ITIH4: variants seen among roughly 807,000 people sequenced by gnomAD.
ITIH4 encodes inter-alpha-trypsin inhibitor heavy chain 4.
A neutral mutation model predicts 111.8 loss-of-function variants in ITIH4; 79 were observed. The ratio of observed to expected loss-of-function variants is 0.71; its 90% CI spans 0.59 to 0.85. The LOEUF is 0.85. Ranked by LOEUF, ITIH4 falls within the 40% of genes least tolerant of loss-of-function variation. ITIH4 has a pLI of 0.00. For missense variants in ITIH4, 1,065 were observed against 1,195.8 expected (o/e 0.89, Z 1.61); for synonymous variants, 472 against 468.3 (o/e 1.01, Z -0.10).
At chr3:52,821,235 A>AGT in intron 11 of ITIH4, 105 bp from the exon 12 acceptor site, 1 of 1,365,574 alleles carries the variant, frequency 7.3e-7, no homozygotes, top group Non-Finnish European at 1.0e-6. Context: ...CAGGTCCCAC[A>AGT]CACTGACTGT....
chr3:52,815,897 G>C (rs1412375535), intron 21 of ITIH4, among the ~76,000 whole-genome samples: 1 of 152,020 alleles, frequency 6.6e-6, no homozygotes, highest in African/African-American at 2.4e-5. Context: ...TGTTGGCCAG[G>C]CTAGTCTCAA....
chr3:52,819,615 C>T, intron 16 of ITIH4, 97 bp from the exon 17 acceptor site: 2 of 1,575,112 alleles, frequency 1.3e-6, no homozygotes, highest in South Asian at 1.1e-5. Flanking sequence ...GCGGAGAGGG[C>T]AGCTATGTCC....
At chr3:52,827,627 C>T (rs551282992) in intron 2 of ITIH4, among the ~76,000 whole-genome samples, 1 of 152,212 alleles carries the variant, frequency 6.6e-6, no homozygotes, top group East Asian at 1.9e-4. Flanking sequence ...CCCAGCCCTG[C>T]GTGCAGCCGT....
intron 5 of ITIH4, 68 bp from the exon 6 acceptor site, chr3:52,826,082 T>C: frequency 6.3e-7 from 1 of 1,590,616 alleles, no homozygotes; most frequent in African/African-American, 1.3e-5. Flanking sequence ...CCTCTACCCC[T>C]GTCTGTATAT....
chr3:52,829,340 G>A, intron 1 of ITIH4, 61 bp from the exon 2 acceptor site: 6 of 1,517,762 alleles, frequency 4.0e-6, no homozygotes, highest in East Asian at 4.6e-5. Context: ...TCGGGGTGAC[G>A]CTCTTCAAGA....
At chr3:52,830,414 G>T in intron 1 of ITIH4, 139 bp downstream of exon 1, 1 of 807,718 alleles carries the variant, frequency 1.2e-6, no homozygotes, top group Non-Finnish European at 2.2e-6. Flanking sequence ...TGCCTGGCGG[G>T]AGGTCTGCAC....
At chr3:52,821,423 A>T (rs1381941222) in intron 11 of ITIH4, among the ~76,000 whole-genome samples, 3 of 152,196 alleles carry the variant, frequency 2.0e-5, no homozygotes, top group African/African-American at 7.2e-5. Context: ...AAGGGATGGG[A>T]ACCCCAGGCC....
intron 23 of ITIH4, 96 bp from the exon 24 acceptor site, chr3:52,813,586 A>C: frequency 9.5e-7 from 1 of 1,056,280 alleles, no homozygotes; most frequent in East Asian, 2.4e-5. Flanking sequence ...CATGGAGGGC[A>C]GGGAGTCCTG....
Position 52,819,710 on chromosome 3 carries a change from C to G in ITIH4, c.1951+44G>C, listed in dbSNP as rs113745155. 1.5e-3 allele frequency: 2,344 copies of G among 1,603,996 alleles called. 7 individuals are homozygous for G. Among genetic ancestry groups the G allele is most frequent in the South Asian group, 2.0e-3 (186 of 90,906 alleles). On this transcript the variant is annotated intron_variant, in intron 16 of 23. Transcript: ENST00000266041. ...ATAATGGACCTCCCTCAAGCTCCCC[C>G]CCAGGGATGTCATGCCTCCCCCTGG...
At chr3:52,816,338 T>C (rs976496669) in intron 21 of ITIH4, among the ~76,000 whole-genome samples, 1 of 152,210 alleles carries the variant, frequency 6.6e-6, no homozygotes, top group Admixed American at 6.5e-5. Context: ...GACTTGTGTC[T>C]CCTTAGCAAA....
rs770281378 is a variant in ITIH4 at position 52,813,396 on chromosome 3, G to A, written c.*25C>T. On this transcript the variant is annotated 3_prime_UTR_variant, in exon 24 of 24. Coordinates refer to ENST00000266041, the MANE Select transcript of ITIH4 (RefSeq NM_002218.5). The stretch of plus-strand genomic sequence containing the variant: ...TGCAGGGGGAAGCCAAGTGTACAGG[G>A]TGGGCACAGCTCCTTCCATCAGAAC... The A allele has an allele frequency of 4.3e-6, 7 of 1,610,698 alleles. No individual in the cohort carries two copies. The highest frequency in any genetic ancestry group is 5.9e-6 in the Non-Finnish European group (7 of 1,176,888).
rs1455168616 is a variant in ITIH4 at position 52,817,027 on chromosome 3, C to G, written c.2328G>C (p.Glu776Asp). Reference sequence around the variant, plus strand: ...CTTCGATCCATGAGAACCCAGCCTTCTCCCTCTCATACTGGCCAGTCACCT... The same window carrying G: ...CTTCGATCCATGAGAACCCAGCCTTGTCCCTCTCATACTGGCCAGTCACCT... ...GVEVTGQYER[E>D]KAGFSWIEVT... Residue 776 changes from glutamate to aspartate, a missense_variant, in exon 21 of 24, where the codon GAG becomes GAC. Physicochemically the swap from Glu to Asp is conservative, Grantham distance 45 (BLOSUM62 2). Coordinates refer to ENST00000266041, the MANE Select transcript of ITIH4 (RefSeq NM_002218.5). 1 of 1,613,848 alleles carries G rather than the reference C, an allele frequency of 6.2e-7. No homozygotes were observed. Among genetic ancestry groups the G allele is most frequent in the African/African-American group, 1.3e-5 (1 of 74,948 alleles).
rs757776654 is a variant in ITIH4 at position 52,818,075 on chromosome 3, T to A, written c.2273A>T (p.Asn758Ile). ...ACCTTGCTCAGGGTCTGAGAGCAGG[T>A]TCACTGGCCCCTGGCGGTGTCTGGG... is the stretch of plus-strand genomic sequence containing the variant. ...VDPRHRQGPV[N>I]LLSDPEQGVE... is the part of the protein sequence containing the mutation. The change falls in exon 20 of 24, where the codon AAC becomes ATC. Residue 758 changes from asparagine (N) to isoleucine (I), a missense_variant. By Grantham distance (149) the Asn-to-Ile change is moderately radical. Coordinates refer to ENST00000266041, the MANE Select transcript of ITIH4 (RefSeq NM_002218.5). The A allele has an allele frequency of 1.9e-6, 3 of 1,613,390 alleles. No homozygotes were observed. The African/African-American group carries it at 4.0e-5, about 22-fold the overall frequency.
chr3:52,824,932 G>A lies in ITIH4; in HGVS notation c.786C>T (p.Tyr262=). The change falls in exon 7 of 24, where the codon TAC becomes TAT. Residue 262 remains tyrosine, a synonymous_variant. Transcript: ENST00000266041. This position sits in a 1 kb window ranked among gnomAD's most constrained non-coding sequence, Gnocchi z 4.3. ...IQIENGYFVH[Y]FAPEGLTTMP... Reference sequence around the variant, plus strand: ...TTGTGGTTAGGCCCTCGGGGGCAAAGTAGTGTACAAAGTAGCCGTTCTCGA... The same window carrying A: ...TTGTGGTTAGGCCCTCGGGGGCAAAATAGTGTACAAAGTAGCCGTTCTCGA... The A allele has an allele frequency of 6.2e-7, 1 of 1,613,616 alleles. No homozygotes were observed. The highest frequency in any genetic ancestry group is 2.2e-5 in the East Asian group (1 of 44,868).
At position 52,816,931 on chromosome 3, in the gene ITIH4, T is replaced by C; in HGVS notation, c.2424A>G (p.Arg808=). The C allele has an allele frequency of 6.2e-7, 1 of 1,614,032 alleles. No homozygotes were observed. The highest frequency in any genetic ancestry group is 2.2e-5 in the East Asian group (1 of 44,876). The change falls in exon 21 of 24, where the codon AGA becomes AGG. Residue 808 remains arginine (R), a synonymous_variant. Transcript: ENST00000266041. The part of the protein sequence containing the change: ...PEHVVVTRNR[R]SSAYKWKETL... The stretch of plus-strand genomic sequence containing the variant: ...TCTCCTTCCACTTGTACGCAGAGCT[T>C]CTTCGGTTCCGAGTCACCACCACGT...
chr3:52,823,618 C>T lies in ITIH4; in HGVS notation c.1477G>A (p.Val493Met), dbSNP rs1700430878. The T allele has an allele frequency of 1.2e-6, 2 of 1,614,004 alleles. No homozygotes were observed. Among genetic ancestry groups the T allele is most frequent in the Non-Finnish European group, 1.7e-6 (2 of 1,180,028 alleles). The change falls in exon 11 of 24, where the codon GTG (valine) becomes ATG (methionine). Residue 493 changes from valine to methionine, a missense_variant. Physicochemically the swap from Val to Met is conservative, Grantham distance 21 (BLOSUM62 1). Coordinates refer to ENST00000266041, the MANE Select transcript of ITIH4 (RefSeq NM_002218.5). The part of the protein sequence containing the change: ...RLLFKGSEMV[V>M]AGKLQDRGPD... ...CCCCGGTCCTGGAGCTTCCCAGCCA[C>T]CACCATCTCTGAGCCCTTGAAGAGG...
In ITIH4 at chr3:52,813,338, T is replaced by C; in HGVS notation, c.*83A>G. On this transcript the variant is annotated 3_prime_UTR_variant, in exon 24 of 24. Coordinates refer to ENST00000266041, the MANE Select transcript of ITIH4 (RefSeq NM_002218.5). ...TAATGAGTGGGACTCTTCCTCCCCATGGTGGTCCAGGCCCCAGAAGCGGCC... is the reference window on the plus strand; with the variant it reads ...TAATGAGTGGGACTCTTCCTCCCCACGGTGGTCCAGGCCCCAGAAGCGGCC... 3 of 1,187,876 alleles carry C rather than the reference T, an allele frequency of 2.5e-6. No individual in the cohort carries two copies. The highest frequency in any genetic ancestry group is 2.4e-5 in the South Asian group (2 of 82,080). 73.6% of individuals were successfully genotyped at this position (1,187,876 alleles called of 1,614,324 possible).
intron 17 of ITIH4, 156 bp from the exon 18 acceptor site, chr3:52,818,692 C>T: frequency 1.5e-6 from 1 of 662,702 alleles, no homozygotes. Flanking sequence ...AACAGAAGAG[C>T]ATGCTGTCAG....
At chr3:52,821,528 GGGACAGAGAGGGAA>G (rs1700381058) in intron 11 of ITIH4, among the ~76,000 whole-genome samples, 1 of 152,178 alleles carries the variant, frequency 6.6e-6, no homozygotes, top group Non-Finnish European at 1.5e-5. Flanking sequence ...CTGAGGGAAA[GGGACAGAGAGGGAA>G]GGACCTTCCC....
Sources: gnomAD v4.1 joint callset for allele counts (sites outside exome capture counted in the v4.1 genomes callset) on GRCh38, gnomAD v4.1.1 for gene constraint, Gnocchi (gnomAD v3.1) non-coding constraint, MANE v1.5 for transcripts, NCBI Gene and HGNC (gene_info 2026-07-23, HGNC 2026-07-21) for gene names.